The following GPN2 variants were observed in gnomAD, a reference collection of about 807,000 sequenced individuals.
GPN2 encodes GPN-loop GTPase 2.
Under a neutral mutation model 30.1 loss-of-function variants are expected in GPN2, and 27 were observed. The observed-to-expected ratio is 0.90, with a 90% CI of 0.66 to 1.24. The LOEUF (loss-of-function observed/expected upper bound fraction) is 1.24. Ranked by LOEUF, GPN2 falls within the 50% of genes most tolerant of loss-of-function variation. GPN2 has a pLI of 0.00. For synonymous variants in GPN2, 212 were observed against 174.4 expected, an observed-to-expected ratio of 1.22 and a Z score of -1.70; for missense variants, 406 against 405.4, an observed-to-expected ratio of 1.00 and a Z score of -0.01.
chr1:26,887,019 G>T (rs966182465), intron 2 of GPN2, among the ~76,000 whole-genome samples: 1 of 142,880 alleles, frequency 7.0e-6, no homozygotes, highest in African/African-American at 2.6e-5. Flanking sequence ...AAAAAAAGTT[G>T]CAAATAATGA....
At position 26,889,902 on chromosome 1, in the gene GPN2, C is replaced by G; in HGVS notation, c.195G>C (p.Gly65=). 1 of 1,610,728 alleles carries G rather than the reference C, an allele frequency of 6.2e-7. No individual in the cohort carries two copies. The highest frequency in any genetic ancestry group is 1.3e-5 in the African/African-American group (1 of 75,010). The change falls in exon 1 of 5, where the codon GGG becomes GGC. Residue 65 remains glycine, a synonymous_variant. Transcript: ENST00000374135. ...ECAVDVGELV[G]LGDVMDALRL... is the part of the protein sequence containing the mutation. Reference sequence around the variant, plus strand: ...GCAGCGCGTCCATCACGTCGCCCAGCCCCACCAGCTCGCCCACGTCCACGG... The same window carrying G: ...GCAGCGCGTCCATCACGTCGCCCAGGCCCACCAGCTCGCCCACGTCCACGG...
Position 26,889,675 on chromosome 1 carries a change from C to G in GPN2, c.411+11G>C, listed in dbSNP as rs761944979. ...CATCCGCAAAATGGGCCTCCCCGCC[C>G]TGAGACGCACCCTGAGGTCCCACTG... On this transcript the variant is annotated intron_variant, in intron 1 of 4. Transcript: ENST00000374135. 3.2e-6 allele frequency: 5 copies of G among 1,560,450 alleles called. No individual in the cohort carries two copies. The highest frequency in any genetic ancestry group is 4.3e-6 in the Non-Finnish European group (5 of 1,149,842).
At chr1:26,889,586 C>T in intron 1 of GPN2, 100 bp downstream of exon 1, 1 of 1,211,582 alleles carries the variant, frequency 8.3e-7, no homozygotes, top group East Asian at 2.4e-5. Context: ...TCCAAAGCGA[C>T]CCAGCCCCTA....
chr1:26,889,075 C>T lies in GPN2; in HGVS notation c.462G>A (p.Lys154=). The T allele has an allele frequency of 6.2e-7, 1 of 1,613,970 alleles. No homozygotes were observed. Among genetic ancestry groups the T allele is most frequent in the Non-Finnish European group, 8.5e-7 (1 of 1,179,842 alleles). Residue 154 remains lysine, a synonymous_variant, in exon 2 of 5, where the codon AAG becomes AAA. Coordinates refer to ENST00000374135, the MANE Select transcript of GPN2 (RefSeq NM_018066.4). ...GGGAGGTACACAGTACTGAAATGAACTTGGCAGGGTCTGTGCAGTAGTGAG... is the reference window on the plus strand; with the variant it reads ...GGGAGGTACACAGTACTGAAATGAATTTGGCAGGGTCTGTGCAGTAGTGAG... ...VDSHYCTDPA[K]FISVLCTSLA...
At chr1:26,882,109 C>T (rs901476478) in intron 4 of GPN2, among the ~76,000 whole-genome samples, 11 of 150,442 alleles carry the variant, frequency 7.3e-5, no homozygotes, top group East Asian at 2.0e-4. Flanking sequence ...CCCACTTACT[C>T]GGGAGGCTGA....
Position 26,889,883 on chromosome 1 carries a change from C to G in GPN2, c.214G>C (p.Ala72Pro). Residue 72 changes from alanine (A) to proline (P), a missense_variant, in exon 1 of 5, where the codon GCG (alanine) becomes CCG (proline). Physicochemically the swap from Ala to Pro is conservative, Grantham distance 27. Transcript: ENST00000374135. ...ELVGLGDVMD[A>P]LRLGPNGGLL... Reference sequence around the variant, plus strand: ...CCGCCGTTGGGCCCCAGGCGCAGCGCGTCCATCACGTCGCCCAGCCCCACC... The same window carrying G: ...CCGCCGTTGGGCCCCAGGCGCAGCGGGTCCATCACGTCGCCCAGCCCCACC... 6.2e-7 allele frequency: 1 copy of G among 1,611,320 alleles called. No homozygotes were observed. The highest frequency in any genetic ancestry group is 1.1e-5 in the South Asian group (1 of 90,902).
At position 26,889,668 on chromosome 1, in the gene GPN2, C is replaced by A. The variant is rs1211726473; in HGVS notation, c.411+18G>T. 1.9e-5 allele frequency: 30 copies of A among 1,554,022 alleles called. No homozygotes were observed. Among genetic ancestry groups the A allele is most frequent in the Non-Finnish European group, 2.6e-5 (30 of 1,146,820 alleles). On this transcript the variant is annotated intron_variant, in intron 1 of 4. Coordinates refer to ENST00000374135, the MANE Select transcript of GPN2 (RefSeq NM_018066.4). The stretch of plus-strand genomic sequence containing the variant: ...GTTACTCCATCCGCAAAATGGGCCT[C>A]CCCGCCCTGAGACGCACCCTGAGGT...
chr1:26,881,109 A>G (rs915661336), intron 4 of GPN2, among the ~76,000 whole-genome samples: 5 of 152,226 alleles, frequency 3.3e-5, no homozygotes, highest in Admixed American at 6.5e-5. Context: ...TGCAGCATAC[A>G]TGGTTTTGTG....
At chr1:26,880,071 T>A (rs1433934885) in intron 4 of GPN2, among the ~76,000 whole-genome samples, 1 of 152,158 alleles carries the variant, frequency 6.6e-6, no homozygotes, top group Non-Finnish European at 1.5e-5. Flanking sequence ...GACGAGGACA[T>A]GGAGGTTAGC....
At chr1:26,889,628 G>C in intron 1 of GPN2, 58 bp downstream of exon 1, 3 of 1,485,080 alleles carry the variant, frequency 2.0e-6, no homozygotes, top group Admixed American at 2.1e-5. Context: ...CGTGGCGTCT[G>C]TCCTCCCTGT....
In GPN2 at chr1:26,886,060, G is replaced by GA; in HGVS notation, c.641dup (p.Phe215LeufsTer9). 1.2e-6 allele frequency: 2 copies of GA among 1,613,308 alleles called. No homozygotes were observed. Among genetic ancestry groups the GA allele is most frequent in the Non-Finnish European group, 1.7e-6 (2 of 1,179,226 alleles). On this transcript the variant is annotated frameshift_variant, in exon 3 of 5. Coordinates refer to ENST00000374135, the MANE Select transcript of GPN2 (RefSeq NM_018066.4). LOFTEE classifies it high-confidence loss of function. ...CATTGAGCTGGCGGTAGTGGCGGAA[G>GA]AAAGGGTCAGAAGCCAGGTGGTCAA...
intron 3 of GPN2, among the ~76,000 whole-genome samples, chr1:26,885,009 A>G (rs1422437095): frequency 2.0e-5 from 3 of 152,154 alleles, no homozygotes; most frequent in Non-Finnish European, 2.9e-5. Flanking sequence ...AAAAAAAACT[A>G]TAACTGTTTC....
chr1:26,882,779 G>C (rs1463310690), intron 4 of GPN2, among the ~76,000 whole-genome samples: 1 of 152,192 alleles, frequency 6.6e-6, no homozygotes, highest in African/African-American at 2.4e-5. Flanking sequence ...CAAAAGTCTG[G>C]CTGCCTCTTG....
At position 26,880,814 on chromosome 1, in the gene GPN2, C is replaced by T. The variant is rs563604766; in HGVS notation, c.861-1065G>A. ...TTGAAACCTGTCTCAACTTTGAACC[C>T]CTATGCCTTTGCATGTTCTCTTAAC... On this transcript the variant is annotated intron_variant, in intron 4 of 4. Transcript: ENST00000374135. 3.3e-5 allele frequency among the ~76,000 whole-genome samples: 5 copies of T among 150,854 alleles called. No homozygotes were observed. In the South Asian group the frequency reaches 1.0e-3, roughly 32 times the overall value.
intron 1 of GPN2, 32 bp downstream of exon 1, chr1:26,889,654 C>T: frequency 6.5e-7 from 1 of 1,544,262 alleles, no homozygotes; most frequent in Non-Finnish European, 8.8e-7. Context: ...TTACTCCATC[C>T]GCAAAATGGG....
At chr1:26,889,649 C>T in intron 1 of GPN2, 37 bp downstream of exon 1, 1 of 1,541,984 alleles carries the variant, frequency 6.5e-7, no homozygotes, top group Admixed American at 1.9e-5. Context: ...CTCAGTTACT[C>T]CATCCGCAAA....
rs975094853 is a variant in GPN2 at position 26,877,726 on chromosome 1, C to T, written c.*1951G>A. 3.3e-5 allele frequency: 5 copies of T among 152,180 alleles called. No homozygotes were observed. Among genetic ancestry groups the T allele is most frequent in the Admixed American group, 3.3e-4 (5 of 15,258 alleles). 9.4% of individuals were successfully genotyped at this position (152,180 alleles called of 1,614,324 possible). On this transcript the variant is annotated 3_prime_UTR_variant, in exon 5 of 5. Transcript: ENST00000374135. ...TGGAAGCACTCTAAAATACCAAGCA[C>T]TTCATATGTGTTAATAAGTCCAAAT...
chr1:26,883,449 A>G (rs1030565959), intron 4 of GPN2, among the ~76,000 whole-genome samples: 6 of 152,122 alleles, frequency 3.9e-5, no homozygotes, highest in Non-Finnish European at 7.4e-5. Context: ...CCACCTTTGC[A>G]CATGAGAGAC....
chr1:26,886,197 C>T (rs1310580702), intron 2 of GPN2, 64 bp from the exon 3 acceptor site: 2 of 1,162,506 alleles, frequency 1.7e-6, no homozygotes, highest in South Asian at 1.4e-5. Flanking sequence ...GGACGAGGTT[C>T]CTTTTTCCTT....
Sources: allele counts gnomAD v4.1 joint callset (sites outside exome capture counted in the v4.1 genomes callset), GRCh38; gene constraint gnomAD v4.1.1; transcripts MANE v1.5; gene names NCBI Gene and HGNC (gene_info 2026-07-23, HGNC 2026-07-21).